The following MRPS14 variants were observed in gnomAD, a reference collection of about 807,000 sequenced individuals.
MRPS14 encodes the protein small ribosomal subunit protein uS14m.
A neutral mutation model predicts 16.4 loss-of-function variants in MRPS14; 14 were observed. The ratio of observed to expected loss-of-function variants is 0.85; its 90% CI spans 0.56 to 1.33. MRPS14 has a LOEUF of 1.33. MRPS14 is among the 40% of genes most tolerant of loss of function. The pLI is 0.00. For missense variants in MRPS14, 162 were observed against 176.8 expected (o/e 0.92, Z 0.48); for synonymous variants, 54 against 61.9 (o/e 0.87, Z 0.60).
rs1672833388 is a variant in MRPS14 at position 175,013,955 on chromosome 1, A to AGTT, written c.*711_*713dup. On this transcript the variant is annotated 3_prime_UTR_variant, in exon 3 of 3. Coordinates refer to ENST00000476371, the MANE Select transcript of MRPS14 (RefSeq NM_022100.3). ...CACTGGGCTGATGATCACACTGTTG[A>AGTT]GTTACTGAATGAGAACTTTGTGCTA... The AGTT allele has an allele frequency of 6.6e-6, 1 of 152,218 alleles. No individual in the cohort carries two copies. Among genetic ancestry groups the AGTT allele is most frequent in the African/African-American group, 2.4e-5 (1 of 41,448 alleles). 9.4% of individuals were successfully genotyped at this position (152,218 alleles called of 1,614,324 possible).
At chr1:175,023,123 C>T (rs1574119511) in intron 1 of MRPS14, 1 of 938,980 alleles carries the variant, frequency 1.1e-6, no homozygotes, top group Non-Finnish European at 1.5e-6. Flanking sequence ...CTGCTTACTC[C>T]CTTACAAATC....
chr1:175,015,437 G>C (rs1371454320), intron 2 of MRPS14, among the ~76,000 whole-genome samples: 1 of 152,164 alleles, frequency 6.6e-6, no homozygotes, highest in Non-Finnish European at 1.5e-5. Context: ...GAAACCTCTG[G>C]AATGATGATC....
Position 175,018,448 on chromosome 1 carries a change from C to T in MRPS14, c.174G>A (p.Arg58=). Reference sequence around the variant, plus strand: ...GAATTTTTGGCAAAATGGTATTCTTCCTGAGTGAATTAATACGTAGCCTCT... The same window carrying T: ...GAATTTTTGGCAAAATGGTATTCTTTCTGAGTGAATTAATACGTAGCCTCT... ...ADERLRINSL[R]KNTILPKILQ... Residue 58 remains arginine (R), a synonymous_variant, in exon 2 of 3, where the codon AGG becomes AGA. Transcript: ENST00000476371. 1 of 1,605,608 alleles carries T rather than the reference C, an allele frequency of 6.2e-7. No homozygotes were observed. The highest frequency in any genetic ancestry group is 1.3e-5 in the African/African-American group (1 of 74,546).
intron 2 of MRPS14, among the ~76,000 whole-genome samples, chr1:175,017,772 C>T (rs1484901511): frequency 2.0e-5 from 3 of 152,146 alleles, no homozygotes; most frequent in Admixed American, 1.3e-4. Context: ...CAGTTTAGGC[C>T]GCGTACCAGG....
rs761189086 is a variant in MRPS14, at chr1:175,021,269, G to A, written c.45+2095C>T. On this transcript the variant is annotated intron_variant, in intron 1 of 2. Transcript: ENST00000476371. Reference sequence around the variant, plus strand: ...CTGCCACTCCCTTTCATTTTTCCACGATTTTGGATCCTGGCTTATTGTCAC... The same window carrying A: ...CTGCCACTCCCTTTCATTTTTCCACAATTTTGGATCCTGGCTTATTGTCAC... 5.3e-5 allele frequency among the ~76,000 whole-genome samples: 8 copies of A among 151,936 alleles called. No individual in the cohort carries two copies. The East Asian group carries it at 1.2e-3, about 22-fold the overall frequency.
At chr1:175,015,399 C>T (rs147412597) in intron 2 of MRPS14, among the ~76,000 whole-genome samples, 114 of 152,144 alleles carry the variant, frequency 7.5e-4, no homozygotes, top group Middle Eastern at 3.4e-3. Context: ...TTTCTGTTGC[C>T]GCCTCATGTT....
chr1:175,019,440 C>T (rs775898535), intron 1 of MRPS14, among the ~76,000 whole-genome samples: 1 of 151,996 alleles, frequency 6.6e-6, no homozygotes, highest in Non-Finnish European at 1.5e-5. Flanking sequence ...CGCCACCACA[C>T]CTGGCTGTTT....
chr1:175,019,837 T>C (rs561467939), intron 1 of MRPS14, among the ~76,000 whole-genome samples: 41 of 152,312 alleles, frequency 2.7e-4, no homozygotes, highest in African/African-American at 9.6e-4. Flanking sequence ...GCTGCCCCTA[T>C]AGAAAAATGA....
At position 175,018,546 on chromosome 1, in the gene MRPS14, G is replaced by C. The variant is rs919286533; in HGVS notation, c.76C>G (p.Arg26Gly). 6 of 1,603,078 alleles carry C rather than the reference G, an allele frequency of 3.7e-6. No homozygotes were observed. Among genetic ancestry groups the C allele is most frequent in the Non-Finnish European group, 4.2e-6 (5 of 1,177,186 alleles). ...MVPSSASGQV[R>G]SHYVDWRMWR... ...ATTCTCCAGTCTACATAGTGACTTC[G>C]AACTTGGCCTGAAGCTGATGAAGGA... The change falls in exon 2 of 3, where the codon CGA becomes GGA. Residue 26 changes from arginine (R) to glycine (G), a missense_variant. By Grantham distance (125) the Arg-to-Gly change is moderately radical (BLOSUM62 -2). Coordinates refer to ENST00000476371, the MANE Select transcript of MRPS14 (RefSeq NM_022100.3).
intron 2 of MRPS14, among the ~76,000 whole-genome samples, chr1:175,015,191 C>T (rs972674792): frequency 3.9e-5 from 6 of 152,062 alleles, no homozygotes; most frequent in Non-Finnish European, 7.4e-5. Context: ...TCTGGCAATC[C>T]GCCCATCTCT....
intron 1 of MRPS14, among the ~76,000 whole-genome samples, chr1:175,022,007 T>C (rs1272377051): frequency 6.6e-6 from 1 of 152,228 alleles, no homozygotes; most frequent in Non-Finnish European, 1.5e-5. Context: ...ACATTTGTAA[T>C]ATAACTAGTG....
chr1:175,018,295 T>A (rs1450610261), intron 2 of MRPS14, 123 bp downstream of exon 2: 3 of 956,136 alleles, frequency 3.1e-6, no homozygotes, highest in Non-Finnish European at 4.6e-6. Context: ...TTTGTTTATA[T>A]TGATGTGGAT....
At chr1:175,021,477 T>A (rs1672976801) in intron 1 of MRPS14, among the ~76,000 whole-genome samples, 1 of 152,196 alleles carries the variant, frequency 6.6e-6, no homozygotes, top group Admixed American at 6.5e-5. Context: ...AGCTATTATC[T>A]CACTTTGTAT....
At chr1:175,018,073 G>A (rs967481677) in intron 2 of MRPS14, among the ~76,000 whole-genome samples, 5 of 151,808 alleles carry the variant, frequency 3.3e-5, no homozygotes, top group Non-Finnish European at 5.9e-5. Flanking sequence ...GTGGTGAGCC[G>A]AGACTGAGCC....
chr1:175,023,284 G>A (rs1673013680), intron 1 of MRPS14, 80 bp downstream of exon 1: 1 of 1,578,920 alleles, frequency 6.3e-7, no homozygotes, highest in Non-Finnish European at 8.6e-7. Flanking sequence ...AGCACTACAG[G>A]TGGCAGAGCC....
In MRPS14 at chr1:175,014,075, G is replaced by A. The variant is rs1210107839; in HGVS notation, c.*594C>T. 4 of 153,120 alleles carry A rather than the reference G, an allele frequency of 2.6e-5. No individual in the cohort carries two copies. The highest frequency in any genetic ancestry group is 4.4e-5 in the Non-Finnish European group (3 of 68,696). 9.5% of individuals were successfully genotyped at this position (153,120 alleles called of 1,614,324 possible). Reference sequence around the variant, plus strand: ...TTCCTCTTTAGATGGAGACTTTCAAGGACTTAAAGAGGCATAATTTGTTTT... The same window carrying A: ...TTCCTCTTTAGATGGAGACTTTCAAAGACTTAAAGAGGCATAATTTGTTTT... On this transcript the variant is annotated 3_prime_UTR_variant, in exon 3 of 3. Coordinates refer to ENST00000476371, the MANE Select transcript of MRPS14 (RefSeq NM_022100.3).
chr1:175,017,340 C>T (rs1474606962), intron 2 of MRPS14, among the ~76,000 whole-genome samples: 1 of 152,202 alleles, frequency 6.6e-6, no homozygotes, highest in Non-Finnish European at 1.5e-5. Context: ...GCCACTGTGC[C>T]TGGCCTGCCA....
intron 2 of MRPS14, among the ~76,000 whole-genome samples, chr1:175,015,053 T>C (rs906730632): frequency 6.6e-6 from 1 of 151,706 alleles, no homozygotes; most frequent in African/African-American, 2.4e-5. Flanking sequence ...GTTCAAGTGA[T>C]TCTCCTGCCT....
chr1:175,014,968 G>A (rs1165879549), intron 2 of MRPS14, 117 bp from the exon 3 acceptor site: 16 of 962,022 alleles, frequency 1.7e-5, no homozygotes, highest in South Asian at 7.9e-5. Context: ...ACAGAGTCTC[G>A]CTCTGTCACC....
Sources: gnomAD v4.1 joint callset for allele counts (sites outside exome capture counted in the v4.1 genomes callset) on GRCh38, gnomAD v4.1.1 for gene constraint, MANE v1.5 for transcripts, NCBI Gene and HGNC (gene_info 2026-07-23, HGNC 2026-07-21) for gene names.